ZNF804A: variants seen among roughly 807,000 people sequenced by gnomAD.
ZNF804A encodes zinc finger protein 804A.
ZNF804A carries 2 observed loss-of-function variants against 16.5 expected under a neutral mutation model. That is an observed-to-expected ratio of 0.12 (90% CI 0.05 to 0.38). The LOEUF (loss-of-function observed/expected upper bound fraction) is 0.38, where lower values mean the gene tolerates loss of function less well. Ranked by LOEUF, ZNF804A falls within the 10% of genes least tolerant of loss-of-function variation. ZNF804A has a pLI of 0.99. For synonymous variants in ZNF804A, 534 were observed against 489.6 expected (o/e 1.09, Z -1.20); for missense variants, 1,473 against 1,390.7 (o/e 1.06, Z -0.94).
intron 2 of ZNF804A, among the ~76,000 whole-genome samples, chr2:184,927,115 C>T (rs972566184): frequency 6.6e-6 from 1 of 152,194 alleles, no homozygotes; most frequent in Non-Finnish European, 1.5e-5. Flanking sequence ...ATTGTCTTCA[C>T]AGTTTGGGCT....
chr2:184,714,134 A>T (rs192586776), intron 1 of ZNF804A, among the ~76,000 whole-genome samples: 87 of 152,106 alleles, frequency 5.7e-4, no homozygotes, highest in African/African-American at 2.0e-3. Context: ...TAGGGTGGTT[A>T]ATTGTTAAAT....
At chr2:184,757,166 T>C (rs1693971515) in intron 1 of ZNF804A, among the ~76,000 whole-genome samples, 2 of 152,048 alleles carry the variant, frequency 1.3e-5, no homozygotes, top group Admixed American at 6.6e-5. Context: ...ATCTTTAATA[T>C]TGTAAAAACA....
chr2:184,849,950 T>A (rs757879944), intron 1 of ZNF804A, among the ~76,000 whole-genome samples: 65 of 151,910 alleles, frequency 4.3e-4, no homozygotes, highest in Non-Finnish European at 5.2e-4. Flanking sequence ...TTATGTTAAG[T>A]GAAATACGGG....
chr2:184,618,643 C>T (rs1404682689), intron 1 of ZNF804A, among the ~76,000 whole-genome samples: 1 of 151,988 alleles, frequency 6.6e-6, no homozygotes, highest in Admixed American at 6.6e-5. Context: ...TGTATCAATT[C>T]ATGTTGCAAT....
At chr2:184,782,399 T>C (rs1183692017) in intron 1 of ZNF804A, among the ~76,000 whole-genome samples, 1 of 151,308 alleles carries the variant, frequency 6.6e-6, no homozygotes, top group Non-Finnish European at 1.5e-5. Context: ...CACCATCTAA[T>C]CAGCTGCCAG....
chr2:184,652,214 C>T (rs1022053555), intron 1 of ZNF804A, among the ~76,000 whole-genome samples: 9 of 151,940 alleles, frequency 5.9e-5, no homozygotes, highest in Non-Finnish European at 1.2e-4. Context: ...TATGTTTTCA[C>T]TTATAAATTT....
At chr2:184,665,951 C>T (rs1275426513) in intron 1 of ZNF804A, among the ~76,000 whole-genome samples, 1 of 152,192 alleles carries the variant, frequency 6.6e-6, no homozygotes, top group Admixed American at 6.5e-5. Context: ...GGTAATTACA[C>T]TGGACCCACC....
chr2:184,761,571 G>C (rs10206426), intron 1 of ZNF804A, among the ~76,000 whole-genome samples: 50,951 of 151,966 alleles, frequency 0.34, 11,885 homozygotes, highest in African/African-American at 0.67. Context: ...ATGGGAAAAT[G>C]AATCCCGGAC....
intron 1 of ZNF804A, among the ~76,000 whole-genome samples, chr2:184,850,627 T>C (rs1035930481): frequency 6.6e-6 from 1 of 151,834 alleles, no homozygotes; most frequent in East Asian, 1.9e-4. Context: ...TAAGAACTTA[T>C]AATGAAATTT....
chr2:184,850,056 A>G (rs1695578197), intron 1 of ZNF804A, among the ~76,000 whole-genome samples: 1 of 151,818 alleles, frequency 6.6e-6, no homozygotes, highest in African/African-American at 2.4e-5. Context: ...AATGATGGTT[A>G]CCAGCAGCAG....
intron 1 of ZNF804A, among the ~76,000 whole-genome samples, chr2:184,704,105 T>C (rs1574171029): frequency 6.6e-6 from 1 of 152,072 alleles, no homozygotes; most frequent in East Asian, 1.9e-4. Context: ...ATAGTAATGA[T>C]TGGTATTTAG....
intron 1 of ZNF804A, among the ~76,000 whole-genome samples, chr2:184,814,178 A>G (rs1006503272): frequency 1.3e-5 from 2 of 151,672 alleles, no homozygotes; most frequent in Non-Finnish European, 2.9e-5. Context: ...TGATAGTTCC[A>G]TGTTTGAGAT....
At chr2:184,814,797 G>A (rs1462706126) in intron 1 of ZNF804A, among the ~76,000 whole-genome samples, 1 of 151,992 alleles carries the variant, frequency 6.6e-6, no homozygotes, top group African/African-American at 2.4e-5. Context: ...CGTCACCTGG[G>A]TAGTTGCTCT....
chr2:184,815,855 T>TA (rs1379725204), intron 1 of ZNF804A, among the ~76,000 whole-genome samples: 1 of 151,964 alleles, frequency 6.6e-6, no homozygotes, highest in Admixed American at 6.6e-5. Flanking sequence ...GGAGTGCATG[T>TA]AAAAAAAGGC....
chr2:184,709,399 A>ATATC lies in ZNF804A; in HGVS notation c.111+110348_111+110351dup, dbSNP rs1053028241. Among the ~76,000 whole-genome samples, 37 of 152,188 alleles carry ATATC rather than the reference A, an allele frequency of 2.4e-4. 1 individual carries two copies. Among genetic ancestry groups the ATATC allele is most frequent in the East Asian group, 3.9e-4 (2 of 5,182 alleles). ...TACTTTAATATAGAAAATTAAATGA[A>ATATC]TATCTATCTATCTATCTATCTAATA... On this transcript the variant is annotated intron_variant, in intron 1 of 3. Coordinates refer to ENST00000302277, the MANE Select transcript of ZNF804A (RefSeq NM_194250.2).
intron 1 of ZNF804A, among the ~76,000 whole-genome samples, chr2:184,614,718 G>T (rs1691292942): frequency 6.6e-6 from 1 of 152,212 alleles, no homozygotes; most frequent in African/African-American, 2.4e-5. Flanking sequence ...CAATCAAAAA[G>T]TCGGCAGAGG....
At chr2:184,678,996 G>A (rs1005216899) in intron 1 of ZNF804A, among the ~76,000 whole-genome samples, 16 of 152,032 alleles carry the variant, frequency 1.1e-4, no homozygotes, top group African/African-American at 2.7e-4. Flanking sequence ...AGTGAGACTC[G>A]GTTATAAAAT....
chr2:184,914,585 G>C (rs1685416402), intron 2 of ZNF804A, among the ~76,000 whole-genome samples: 1 of 152,094 alleles, frequency 6.6e-6, no homozygotes, highest in African/African-American at 2.4e-5. Context: ...CTGTGTCTAA[G>C]AGTTGGAAAT....
chr2:184,875,783 A>AG (rs1696045785), intron 2 of ZNF804A, among the ~76,000 whole-genome samples: 1 of 151,466 alleles, frequency 6.6e-6, no homozygotes, highest in African/African-American at 2.4e-5. Context: ...AAAAAAAAAA[A>AG]AGGAAAGCTC....
Sources: allele counts gnomAD v4.1 joint callset (sites outside exome capture counted in the v4.1 genomes callset), GRCh38; gene constraint gnomAD v4.1.1; transcripts MANE v1.5; gene names NCBI Gene and HGNC (gene_info 2026-07-23, HGNC 2026-07-21).